EPN2: variants seen among roughly 807,000 people sequenced by gnomAD.
The protein encoded by EPN2 is epsin-2.
A neutral mutation model predicts 61.7 loss-of-function variants in EPN2; 34 were observed. That is an observed-to-expected ratio of 0.55 (90% confidence interval 0.42 to 0.73). The LOEUF (loss-of-function observed/expected upper bound fraction) is 0.73, where lower values mean the gene tolerates loss of function less well. EPN2 is among the 30% of genes least tolerant of loss of function. The pLI is 0.00. For missense variants in EPN2, 714 were observed against 839.2 expected (o/e 0.85, Z 1.84); for synonymous variants, 349 against 353.6 (o/e 0.99, Z 0.15).
intron 9 of EPN2, among the ~76,000 whole-genome samples, chr17:19,331,423 C>G (rs1907149710): frequency 6.6e-6 from 1 of 151,508 alleles, no homozygotes; most frequent in African/African-American, 2.4e-5. Flanking sequence ...TGTGTTGCCT[C>G]TATGGGCTGA....
intron 4 of EPN2, among the ~76,000 whole-genome samples, chr17:19,287,019 T>C (rs920354214): frequency 6.6e-6 from 1 of 152,188 alleles, no homozygotes; most frequent in Non-Finnish European, 1.5e-5. Context: ...ATTTGGTAAC[T>C]GACAAGGTCT....
intron 4 of EPN2, chr17:19,308,475 C>T (rs909232996): frequency 1.0e-6 from 1 of 985,208 alleles, no homozygotes; most frequent in African/African-American, 1.7e-5. Flanking sequence ...GCATGTAAGC[C>T]TCCACCCAAC....
At chr17:19,309,831 A>G (rs1906029071) in intron 4 of EPN2, 54 bp from the exon 5 acceptor site, 15 of 1,431,502 alleles carry the variant, frequency 1.0e-5, no homozygotes, top group Non-Finnish European at 1.5e-5. Flanking sequence ...ACTGCTGTGC[A>G]GGAGCTGTAT....
In EPN2 at chr17:19,289,234, G is replaced by A. The variant is rs925432030; in HGVS notation, c.766+3444G>A. 5.3e-5 allele frequency among the ~76,000 whole-genome samples: 8 copies of A among 151,874 alleles called. No individual in the cohort carries two copies. In the East Asian group the frequency reaches 1.4e-3, roughly 26 times the overall value. ...CAAGTAGCTGGGACTACAGGCGCCC[G>A]CCACCACGCCCGGCTAATTTTTTGT... On this transcript the variant is annotated intron_variant, in intron 4 of 10. Coordinates refer to ENST00000314728, the MANE Select transcript of EPN2 (RefSeq NM_014964.5).
intron 7 of EPN2, among the ~76,000 whole-genome samples, chr17:19,314,370 G>GA (rs11434829): frequency 0.56 from 85,357 of 152,024 alleles, 30,819 homozygotes; most frequent in Non-Finnish European, 0.81. Context: ...AGTCCCCAGG[G>GA]AAAAGAAGGT....
chr17:19,239,870 C>A (rs1656139108), intron 1 of EPN2, among the ~76,000 whole-genome samples: 1 of 152,176 alleles, frequency 6.6e-6, no homozygotes, highest in Admixed American at 6.5e-5. Context: ...AAAAATGACC[C>A]AACCTTTGTA....
rs762826329 is a variant in EPN2 at position 19,331,862 on chromosome 17, T to A, written c.1421T>A (p.Val474Glu). 6.9e-5 allele frequency: 111 copies of A among 1,613,996 alleles called. No homozygotes were observed. Among genetic ancestry groups the A allele is most frequent in the Non-Finnish European group, 9.2e-5 (108 of 1,179,946 alleles). ...LRTSKKTAES[V>E]TSLPSQNNGT... is the part of the protein sequence containing the mutation. ...TGTCCTTGTCTTGTAGCCGAATCTGTGACCTCTCTGCCATCCCAAAACAAT... is the reference window on the plus strand; with the variant it reads ...TGTCCTTGTCTTGTAGCCGAATCTGAGACCTCTCTGCCATCCCAAAACAAT... The change falls in exon 10 of 11, where the codon GTG becomes GAG. Residue 474 changes from valine (V) to glutamate (E), a missense_variant. Val to Glu is a moderately radical substitution (Grantham distance 121). This residue lies in a region of EPN2 where 410 missense variants were observed against 421.8 expected (regional missense o/e 0.97). Coordinates refer to ENST00000314728, the MANE Select transcript of EPN2 (RefSeq NM_014964.5).
At chr17:19,284,837 T>C (rs2045389423) in intron 3 of EPN2, among the ~76,000 whole-genome samples, 1 of 152,260 alleles carries the variant, frequency 6.6e-6, no homozygotes, top group Non-Finnish European at 1.5e-5. Flanking sequence ...TTCTAGGAAT[T>C]CTGAATTATT....
At chr17:19,304,274 A>G (rs748528707) in intron 4 of EPN2, among the ~76,000 whole-genome samples, 1 of 152,148 alleles carries the variant, frequency 6.6e-6, no homozygotes, top group Non-Finnish European at 1.5e-5. Context: ...AGCCAAGGTC[A>G]TTGCTGATTC....
At chr17:19,262,852 T>G (rs1176822921) in intron 1 of EPN2, among the ~76,000 whole-genome samples, 1 of 152,276 alleles carries the variant, frequency 6.6e-6, no homozygotes. Flanking sequence ...TGTGGGCTTT[T>G]GTGTTTGGCT....
At chr17:19,277,170 G>A (rs1168904686) in intron 1 of EPN2, among the ~76,000 whole-genome samples, 2 of 152,128 alleles carry the variant, frequency 1.3e-5, no homozygotes, top group African/African-American at 4.8e-5. Context: ...GGAGGCCGAG[G>A]CGGGTGGATC....
chr17:19,243,420 A>G (rs1473844938), intron 1 of EPN2, among the ~76,000 whole-genome samples: 10 of 93,064 alleles, frequency 1.1e-4, no homozygotes, highest in Non-Finnish European at 1.5e-4. Context: ...TTTGAGACGG[A>G]GTCTCGCTGT....
chr17:19,247,582 G>A (rs2044967015), intron 1 of EPN2, among the ~76,000 whole-genome samples: 2 of 152,380 alleles, frequency 1.3e-5, no homozygotes, highest in South Asian at 4.1e-4. Context: ...GCTTGAGTGT[G>A]TGCTGGCTCC....
At chr17:19,267,290 T>G (rs1450816162) in intron 1 of EPN2, among the ~76,000 whole-genome samples, 1 of 151,906 alleles carries the variant, frequency 6.6e-6, no homozygotes. Context: ...TGAAAATGTT[T>G]TGGAATAATA....
chr17:19,308,332 C>G, intron 4 of EPN2: 1 of 972,694 alleles, frequency 1.0e-6, no homozygotes, highest in Non-Finnish European at 1.2e-6. Context: ...TCTCAGCCTC[C>G]CAAAGTGCTA....
At chr17:19,293,926 C>CA (rs2152222622) in intron 4 of EPN2, among the ~76,000 whole-genome samples, 1 of 151,088 alleles carries the variant, frequency 6.6e-6, no homozygotes, top group Non-Finnish European at 1.5e-5. Context: ...CTGTCTCTAC[C>CA]AAAAATACAA....
At chr17:19,243,921 G>C (rs977797007) in intron 1 of EPN2, among the ~76,000 whole-genome samples, 12 of 152,302 alleles carry the variant, frequency 7.9e-5, no homozygotes, top group Admixed American at 7.2e-4. Flanking sequence ...TGGCCCAGAG[G>C]ACTTTATGGG....
intron 1 of EPN2, among the ~76,000 whole-genome samples, chr17:19,257,050 C>T (rs1403464224): frequency 1.3e-5 from 2 of 152,274 alleles, no homozygotes; most frequent in South Asian, 2.1e-4. Flanking sequence ...AATAGCAAGT[C>T]GCACAAGAAA....
At chr17:19,249,083 G>A (rs934683095) in intron 1 of EPN2, among the ~76,000 whole-genome samples, 1 of 152,222 alleles carries the variant, frequency 6.6e-6, no homozygotes, top group Admixed American at 6.5e-5. Context: ...CAGGACAGGC[G>A]AGCTTGGTGA....
Sources: allele counts gnomAD v4.1 joint callset (sites outside exome capture counted in the v4.1 genomes callset), GRCh38; gene constraint gnomAD v4.1.1; regional missense constraint gnomAD v4.1.1; transcripts MANE v1.5; gene names NCBI Gene and HGNC (gene_info 2026-07-23, HGNC 2026-07-21).